The following PTK2 variants were observed in gnomAD, a reference collection of about 807,000 sequenced individuals.
The protein encoded by PTK2 is protein tyrosine kinase 2.
In PTK2, 45 loss-of-function variants were observed where a neutral mutation model predicts 150.1. The ratio of observed to expected loss-of-function variants is 0.30; its 90% CI spans 0.24 to 0.38. PTK2 has a LOEUF of 0.38. PTK2 is among the 10% of genes least tolerant of loss of function. PTK2 has a pLI of 1.00. For synonymous variants in PTK2, 432 were observed against 449.2 expected, an observed-to-expected ratio of 0.96 and a Z score of 0.48; for missense variants, 919 against 1,307.3, an observed-to-expected ratio of 0.70 and a Z score of 4.58.
intron 1 of PTK2, among the ~76,000 whole-genome samples, chr8:140,934,094 ATAAC>A (rs1415505719): frequency 2.0e-5 from 3 of 152,204 alleles, no homozygotes; most frequent in African/African-American, 7.2e-5. Flanking sequence ...ACACAAATAA[ATAAC>A]TAAAATTCCT....
intron 29 of PTK2, among the ~76,000 whole-genome samples, chr8:140,673,245 T>C (rs983149315): frequency 4.6e-5 from 7 of 152,068 alleles, no homozygotes; most frequent in African/African-American, 1.4e-4. Flanking sequence ...GTAGCTGGGA[T>C]TGCAGACATG....
At chr8:140,912,199 T>C (rs1360386884) in intron 2 of PTK2, among the ~76,000 whole-genome samples, 2 of 151,362 alleles carry the variant, frequency 1.3e-5, no homozygotes, top group East Asian at 3.9e-4. Flanking sequence ...GCTATGATTA[T>C]GACACTGCAT....
chr8:140,771,998 A>G (rs2100075762), intron 14 of PTK2, among the ~76,000 whole-genome samples: 1 of 151,108 alleles, frequency 6.6e-6, no homozygotes, highest in Non-Finnish European at 1.5e-5. Flanking sequence ...CATGTTGGCT[A>G]GGTTGGTCTC....
chr8:140,705,455 T>C (rs2100033147), intron 24 of PTK2, among the ~76,000 whole-genome samples: 1 of 152,244 alleles, frequency 6.6e-6, no homozygotes, highest in South Asian at 2.1e-4. Flanking sequence ...AGAAGAATGG[T>C]TGCTCCTGGG....
chr8:140,810,805 C>A (rs2100101064), intron 10 of PTK2, among the ~76,000 whole-genome samples: 1 of 152,200 alleles, frequency 6.6e-6, no homozygotes, highest in Non-Finnish European at 1.5e-5. Flanking sequence ...AGAGTGAAAG[C>A]AGGCACAGAG....
At chr8:140,678,018 A>C (rs1321136869) in intron 27 of PTK2, among the ~76,000 whole-genome samples, 1 of 152,166 alleles carries the variant, frequency 6.6e-6, no homozygotes, top group East Asian at 1.9e-4. Flanking sequence ...CTGGGATAGA[A>C]GGAGAGGAAC....
At chr8:140,759,077 C>T (rs901884139) in intron 16 of PTK2, among the ~76,000 whole-genome samples, 16 of 152,118 alleles carry the variant, frequency 1.1e-4, no homozygotes, top group African/African-American at 1.7e-4. Context: ...GTAAGTATAC[C>T]GTGTAACGTT....
chr8:140,827,890 G>A (rs1020257476), intron 8 of PTK2, among the ~76,000 whole-genome samples: 1 of 152,152 alleles, frequency 6.6e-6, no homozygotes, highest in African/African-American at 2.4e-5. Flanking sequence ...ATTGAGGCCA[G>A]GCACAGTGGC....
chr8:140,712,960 G>GT (rs1381366373), intron 23 of PTK2, among the ~76,000 whole-genome samples: 7 of 152,144 alleles, frequency 4.6e-5, no homozygotes, highest in Admixed American at 4.6e-4. Flanking sequence ...GTTCTTTCAA[G>GT]TAAAGCTGGT....
rs371686484 is a variant in PTK2, at chr8:140,674,290, A to T, written c.2709+8T>A. The T allele has an allele frequency of 1.4e-4, 216 of 1,597,244 alleles. No individual in the cohort carries two copies. The highest frequency in any genetic ancestry group is 1.2e-4 in the Non-Finnish European group (136 of 1,171,256). On this transcript the variant is annotated splice_region_variant and intron_variant, in intron 29 of 31. Coordinates refer to ENST00000522684, the Ensembl canonical transcript of PTK2. Reference sequence around the variant, plus strand: ...AGCAGAAGGTGCTGCACAGGCTCAGATGCCCACCTTGACACCCTCGTTGTA... The same window carrying T: ...AGCAGAAGGTGCTGCACAGGCTCAGTTGCCCACCTTGACACCCTCGTTGTA...
rs897367568 is a variant in PTK2, at chr8:140,937,599, A to C, written c.-121-11850T>G. ...TAAGTAAACAATAAAAAAAAAAAAA[A>C]CACAAAAAAACAAATCTGATTTAAT... is the stretch of plus-strand genomic sequence containing the variant. On this transcript the variant is annotated intron_variant, in intron 1 of 31. Transcript: ENST00000522684. Among the ~76,000 whole-genome samples the C allele has an allele frequency of 4.7e-5, 7 of 149,792 alleles. No homozygotes were observed. In the East Asian group the frequency reaches 5.8e-4, roughly 12 times the overall value.
At chr8:140,743,014 AATCTGAAATGGAAT>A (rs533043674) in intron 20 of PTK2, among the ~76,000 whole-genome samples, 1 of 152,342 alleles carries the variant, frequency 6.6e-6, no homozygotes, top group Admixed American at 6.5e-5. Flanking sequence ...ATTCTGAGTT[AATCTGAAATGGAAT>A]TCAGAGGTTT....
chr8:140,896,795 G>GGGT (rs1555343161), intron 2 of PTK2, among the ~76,000 whole-genome samples: 1 of 126,450 alleles, frequency 7.9e-6, no homozygotes, highest in Non-Finnish European at 1.9e-5. Context: ...AAACGGGGGG[G>GGGT]GGGGGTGGGT....
chr8:140,907,504 TGCCTTCCCCA>T (rs1198153955), intron 2 of PTK2, among the ~76,000 whole-genome samples: 1 of 152,138 alleles, frequency 6.6e-6, no homozygotes, highest in Non-Finnish European at 1.5e-5. Flanking sequence ...CTGTATAATT[TGCCTTCCCCA>T]GCAATCATAG....
chr8:140,783,500 TTATA>T (rs1374629843), intron 14 of PTK2, among the ~76,000 whole-genome samples: 1 of 152,228 alleles, frequency 6.6e-6, no homozygotes, highest in African/African-American at 2.4e-5. Flanking sequence ...CTACCTGTAT[TTATA>T]AGTGGCATAG....
upstream of PTK2, among the ~76,000 whole-genome samples, chr8:141,001,702 G>A (rs1589437451): frequency 4.6e-5 from 7 of 152,240 alleles, no homozygotes; most frequent in South Asian, 1.5e-3. Flanking sequence ...CCTCCTGAGC[G>A]GCCCTGCGGC....
At chr8:140,677,484 A>G (rs2100014589) in intron 27 of PTK2, among the ~76,000 whole-genome samples, 2 of 152,244 alleles carry the variant, frequency 1.3e-5, no homozygotes, top group South Asian at 4.1e-4. Flanking sequence ...CTACCTGGAA[A>G]AAAATCTTTT....
chr8:140,866,881 T>C (rs955043568), intron 4 of PTK2, among the ~76,000 whole-genome samples: 3 of 152,152 alleles, frequency 2.0e-5, no homozygotes, highest in Non-Finnish European at 4.4e-5. Context: ...AAGTATTATT[T>C]TTATAAAGGG....
chr8:140,748,625 T>C (rs890288172), intron 17 of PTK2, among the ~76,000 whole-genome samples: 1 of 152,164 alleles, frequency 6.6e-6, no homozygotes, highest in Admixed American at 6.5e-5. Flanking sequence ...GAGAGTCTGA[T>C]GCTAAATGTG....
Sources: gnomAD v4.1 joint callset for allele counts (sites outside exome capture counted in the v4.1 genomes callset) on GRCh38, gnomAD v4.1.1 for gene constraint, MANE v1.5 for transcripts, NCBI Gene and HGNC (gene_info 2026-07-23, HGNC 2026-07-21) for gene names.